Variants in PXDN observed in about 807,000 individuals in gnomAD.
PXDN encodes peroxidasin.
In PXDN, 77 loss-of-function variants were observed where a neutral mutation model predicts 140.3. The observed-to-expected ratio is 0.55, with a 90% CI of 0.46 to 0.66. The LOEUF (loss-of-function observed/expected upper bound fraction) is 0.66. Among genes scored for constraint, PXDN ranks in the 30% least tolerant of loss-of-function variants. PXDN has a pLI of 0.00. For synonymous variants in PXDN, 911 were observed against 857.4 expected (o/e 1.06, Z -1.09); for missense variants, 1,838 against 2,039.5 (o/e 0.90, Z 1.90).
rs1685220595 is a variant in PXDN at position 1,727,672 on chromosome 2, T to C, written c.200+16584A>G. On this transcript the variant is annotated intron_variant, in intron 1 of 22. Coordinates refer to ENST00000252804, the MANE Select transcript of PXDN (RefSeq NM_012293.3). ...TCCACCGTGTCACACCACAGGTCAG[T>C]GGAGTCCAACCCCCTGCCCACCAGA... is the stretch of plus-strand genomic sequence containing the variant. 2.6e-5 allele frequency among the ~76,000 whole-genome samples: 4 copies of C among 152,180 alleles called. No individual in the cohort carries two copies. In the South Asian group the frequency reaches 8.3e-4, roughly 31 times the overall value.
rs1195521717 is a variant in PXDN at position 1,634,269 on chromosome 2, G to T, written c.4375C>A (p.Pro1459Thr). Residue 1459 changes from proline (P) to threonine (T), a missense_variant, in exon 23 of 23, where the codon CCC becomes ACC. By Grantham distance (38) the Pro-to-Thr change is conservative. This residue lies in a region of PXDN where 850 missense variants were observed against 894.1 expected (regional missense o/e 0.95). Coordinates refer to ENST00000252804, the MANE Select transcript of PXDN (RefSeq NM_012293.3). ...CAGCAGGCCCCTGGGATGTTCACGGGGACAGCACAGGTGGCAGGGGGGCAA... is the reference window on the plus strand; with the variant it reads ...CAGCAGGCCCCTGGGATGTTCACGGTGACAGCACAGGTGGCAGGGGGGCAA... ...EACPPATCAV[P>T]VNIPGACCPV... The T allele has an allele frequency of 2.5e-6, 4 of 1,607,984 alleles. No homozygotes were observed. The African/African-American group carries it at 5.3e-5, about 21-fold the overall frequency.
At chr2:1,680,848 GTGTGGGAAGGGGGGCTGCATCTCC>G (rs971067710) in intron 6 of PXDN, among the ~76,000 whole-genome samples, 1 of 152,182 alleles carries the variant, frequency 6.6e-6, no homozygotes, top group African/African-American at 2.4e-5. Context: ...TTCCCAGGCA[GTGTGGGAAGGGGGGCTGCATCTCC>G]TGGCTGGGGT....
intron 19 of PXDN, among the ~76,000 whole-genome samples, chr2:1,641,440 G>A (rs370052773): frequency 6.6e-6 from 1 of 152,166 alleles, no homozygotes; most frequent in Non-Finnish European, 1.5e-5. Context: ...ATGTGCCACC[G>A]CCCAGCCCCC....
At chr2:1,683,545 G>GCCCCATGTTTTTCATTTTGCTCTCT in intron 6 of PXDN, 111 bp downstream of exon 6, 1 of 428,714 alleles carries the variant, frequency 2.3e-6, no homozygotes. Context: ...CATTCTTTCA[G>GCCCCATGTTTTTCATTTTGCTCTCT]AATCAGATTG....
intron 1 of PXDN, among the ~76,000 whole-genome samples, chr2:1,707,528 T>C (rs1357831361): frequency 1.3e-5 from 2 of 152,262 alleles, no homozygotes; most frequent in African/African-American, 4.8e-5. Flanking sequence ...AATTGTGATA[T>C]GTCTGACTTT....
intron 22 of PXDN, among the ~76,000 whole-genome samples, 156 bp from the exon 23 acceptor site, chr2:1,634,479 A>G (rs1383391044): frequency 6.6e-6 from 1 of 152,096 alleles, no homozygotes; most frequent in Non-Finnish European, 1.5e-5. Flanking sequence ...GTGGGCATGG[A>G]TTTTGTGGTT....
At position 1,651,521 on chromosome 2, in the gene PXDN, T is replaced by TG. The variant is rs1683013698; in HGVS notation, c.2105-1847_2105-1846insC. On this transcript the variant is annotated intron_variant, in intron 16 of 22. Transcript: ENST00000252804. This position sits in a 1 kb window ranked among gnomAD's most constrained non-coding sequence, Gnocchi z 4.4. ...ACACAGCCAACGACATATCCTTATA[T>TG]TCGCTCCCAGGCCCTTTCTGGTGGA... Among the ~76,000 whole-genome samples, 1 of 152,236 alleles carries TG rather than the reference T, an allele frequency of 6.6e-6. No individual in the cohort carries two copies. Among genetic ancestry groups the TG allele is most frequent in the Non-Finnish European group, 1.5e-5 (1 of 68,048 alleles).
At chr2:1,661,565 C>T (rs945626346) in intron 13 of PXDN, among the ~76,000 whole-genome samples, 1 of 152,154 alleles carries the variant, frequency 6.6e-6, no homozygotes, top group Non-Finnish European at 1.5e-5. Flanking sequence ...GGACCATCTC[C>T]GCTGAGCACT....
At position 1,635,431 on chromosome 2, in the gene PXDN, C is replaced by T; in HGVS notation, c.4297G>A (p.Ala1433Thr). The part of the protein sequence containing the change: ...HANNTKWKKD[A>T]CTICECKDGQ... ...ACTTTGCATTCACAAATGGTGCATG[C>T]ATCTTTTTTCCACTTGGTGTTGTTG... The change falls in exon 22 of 23, where the codon GCA becomes ACA. Residue 1433 changes from alanine (A) to threonine (T), a missense_variant. This residue lies in a region of PXDN where 850 missense variants were observed against 894.1 expected (regional missense o/e 0.95). Transcript: ENST00000252804. The T allele has an allele frequency of 6.3e-7, 1 of 1,595,830 alleles. No homozygotes were observed. Among genetic ancestry groups the T allele is most frequent in the East Asian group, 2.3e-5 (1 of 44,382 alleles).
intron 1 of PXDN, among the ~76,000 whole-genome samples, chr2:1,693,956 G>A (rs1286370971): frequency 2.6e-5 from 4 of 152,228 alleles, no homozygotes; most frequent in Non-Finnish European, 5.9e-5. Context: ...TGAAGGCAGC[G>A]ATGGGAAGTG....
intron 9 of PXDN, chr2:1,669,631 G>C (rs1392011444): frequency 6.6e-6 from 1 of 152,134 alleles, no homozygotes; most frequent in African/African-American, 2.4e-5. Flanking sequence ...CCTGATGTCA[G>C]GAATTCGAGA....
In PXDN at chr2:1,649,742, T is replaced by C. The variant is rs529008608; in HGVS notation, c.2105-67A>G. 4.5e-6 allele frequency: 7 copies of C among 1,549,796 alleles called. No individual in the cohort carries two copies. The highest frequency in any genetic ancestry group is 6.2e-6 in the Non-Finnish European group (7 of 1,125,694). ...AGGATGTGTGAGGGCCCGGTACCCC[T>C]TGGCACCTCTGCCGCTGACATGGGG... On this transcript the variant is annotated intron_variant, in intron 16 of 22. Transcript: ENST00000252804. The surrounding 1 kb of genome is among the most constrained non-coding windows in gnomAD (Gnocchi z 7.1).
At chr2:1,658,164 G>C (rs749065246) in intron 14 of PXDN, among the ~76,000 whole-genome samples, 1 of 150,974 alleles carries the variant, frequency 6.6e-6, no homozygotes, top group Non-Finnish European at 1.5e-5. Flanking sequence ...CGGCCTCTGA[G>C]GCTGCAGCTC....
chr2:1,718,701 G>A (rs1043963865), intron 1 of PXDN, among the ~76,000 whole-genome samples: 1 of 152,258 alleles, frequency 6.6e-6, no homozygotes, highest in Non-Finnish European at 1.5e-5. Flanking sequence ...GGGGTGACGC[G>A]GGCAGGGCGT....
At chr2:1,666,548 A>AT in intron 9 of PXDN, 62 bp from the exon 10 acceptor site, 1 of 1,504,570 alleles carries the variant, frequency 6.6e-7, no homozygotes, top group Non-Finnish European at 8.9e-7. Context: ...TTTTTGCTTG[A>AT]TTTTTCCTAT....
chr2:1,685,239 T>C lies in PXDN; in HGVS notation c.417-1088A>G, dbSNP rs1684022941. On this transcript the variant is annotated intron_variant, in intron 4 of 22. Coordinates refer to ENST00000252804, the MANE Select transcript of PXDN (RefSeq NM_012293.3). This position sits in a 1 kb window ranked among gnomAD's most constrained non-coding sequence, Gnocchi z 5.1. ...CCCAAACGCAGACCATCCCTGCCCCTTGCCCCGGGACAGGTCTGTGCTCAG... is the reference window on the plus strand; with the variant it reads ...CCCAAACGCAGACCATCCCTGCCCCCTGCCCCGGGACAGGTCTGTGCTCAG... Among the ~76,000 whole-genome samples, 1 of 152,164 alleles carries C rather than the reference T, an allele frequency of 6.6e-6. No individual in the cohort carries two copies. Among genetic ancestry groups the C allele is most frequent in the Non-Finnish European group, 1.5e-5 (1 of 68,020 alleles).
At chr2:1,662,625 G>A (rs1404657866) in intron 12 of PXDN, among the ~76,000 whole-genome samples, 2 of 152,222 alleles carry the variant, frequency 1.3e-5, no homozygotes, top group Admixed American at 6.5e-5. Flanking sequence ...TCCTCTGAAA[G>A]AGCAGGAGCG....
chr2:1,681,814 A>G (rs1428231970), intron 6 of PXDN, among the ~76,000 whole-genome samples: 2 of 152,238 alleles, frequency 1.3e-5, no homozygotes, highest in Non-Finnish European at 2.9e-5. Context: ...ATAGTCAGGT[A>G]TGTGGCATCT....
rs3811613 is a variant in PXDN at position 1,648,888 on chromosome 2, G to T, written c.2892C>A (p.Asn964Lys). ...GPPTECMRDE[N>K]ESPIPCFLAG... is the part of the protein sequence containing the mutation. ...CCAGGAAGCAGGGGATGGGGCTCTC[G>T]TTCTCGTCCCGCATGCACTCCGTGG... The change falls in exon 17 of 23, where the codon AAC becomes AAA. Residue 964 changes from asparagine to lysine, a missense_variant. Coordinates refer to ENST00000252804, the MANE Select transcript of PXDN (RefSeq NM_012293.3). This position sits in a 1 kb window ranked among gnomAD's most constrained non-coding sequence, Gnocchi z 8.9. 2 of 1,601,700 alleles carry T rather than the reference G, an allele frequency of 1.2e-6. No homozygotes were observed. The highest frequency in any genetic ancestry group is 1.7e-6 in the Non-Finnish European group (2 of 1,177,006).
Sources: gnomAD v4.1 joint callset for allele counts (sites outside exome capture counted in the v4.1 genomes callset) on GRCh38, gnomAD v4.1.1 for gene constraint, gnomAD v4.1.1 regional missense constraint, Gnocchi (gnomAD v3.1) non-coding constraint, MANE v1.5 for transcripts, NCBI Gene and HGNC (gene_info 2026-07-23, HGNC 2026-07-21) for gene names.